LGSN: variants seen among roughly 807,000 people sequenced by gnomAD.
LGSN encodes the protein lengsin.
Under a neutral mutation model 19.5 loss-of-function variants are expected in LGSN, and 21 were observed. The ratio of observed to expected loss-of-function variants is 1.07; its 90% CI spans 0.76 to 1.55. The LOEUF (loss-of-function observed/expected upper bound fraction) is 1.55. LGSN is among the 40% of genes most tolerant of loss of function. The pLI is 0.00. For synonymous variants in LGSN, 257 were observed against 215.6 expected, an observed-to-expected ratio of 1.19 and a Z score of -1.68; for missense variants, 673 against 608.5, an observed-to-expected ratio of 1.11 and a Z score of -1.12.
the LGSN span, among the ~76,000 whole-genome samples, chr6:63,553,272 T>A: frequency 6.6e-6 from 1 of 152,216 alleles, no homozygotes; most frequent in African/African-American, 2.4e-5. Context: ...AAGGCTGAAA[T>A]TTTGTACCCA....
the LGSN span, among the ~76,000 whole-genome samples, chr6:63,351,883 T>G: frequency 1.3e-5 from 2 of 152,220 alleles, no homozygotes; most frequent in African/African-American, 4.8e-5. Flanking sequence ...GTATAGTCTT[T>G]TTAAACCTGA....
the LGSN span, among the ~76,000 whole-genome samples, chr6:63,487,031 T>TC: frequency 6.6e-6 from 1 of 151,882 alleles, no homozygotes; most frequent in African/African-American, 2.4e-5. Context: ...AGATGGGGTT[T>TC]CACCATGTTG....
the LGSN span, among the ~76,000 whole-genome samples, chr6:63,356,795 T>G: frequency 6.6e-6 from 1 of 152,188 alleles, no homozygotes; most frequent in Admixed American, 6.5e-5. Context: ...TTAAAGCATC[T>G]TTATGGTTAC....
chr6:63,382,760 T>C, the LGSN span, among the ~76,000 whole-genome samples: 1 of 152,192 alleles, frequency 6.6e-6, no homozygotes, highest in Non-Finnish European at 1.5e-5. Flanking sequence ...TACTTCCCAA[T>C]AAAGTGTTTT....
the LGSN span, among the ~76,000 whole-genome samples, chr6:63,480,984 T>TATAC: frequency 2.7e-5 from 1 of 36,370 alleles, no homozygotes; most frequent in African/African-American, 5.5e-5. Context: ...TATATATATA[T>TATAC]ATACACACAC....
intron 1 of LGSN, among the ~76,000 whole-genome samples, chr6:63,307,482 T>C (rs1282119228): frequency 1.3e-5 from 2 of 152,312 alleles, no homozygotes; most frequent in African/African-American, 2.4e-5. Context: ...AACTCTTTAA[T>C]TGATGGGCTG....
the LGSN span, among the ~76,000 whole-genome samples, chr6:63,332,732 T>C: frequency 6.6e-6 from 1 of 152,126 alleles, no homozygotes; most frequent in African/African-American, 2.4e-5. Context: ...AGGGGTCCGA[T>C]GGTACTCACT....
At chr6:63,527,464 T>C in the LGSN span, among the ~76,000 whole-genome samples, 3 of 152,158 alleles carry the variant, frequency 2.0e-5, no homozygotes, top group Non-Finnish European at 4.4e-5. Flanking sequence ...TCTTCTTATG[T>C]TGTAGATATC....
At chr6:63,463,135 A>G in the LGSN span, among the ~76,000 whole-genome samples, 2 of 152,190 alleles carry the variant, frequency 1.3e-5, no homozygotes, top group African/African-American at 4.8e-5. Flanking sequence ...ACGTTGGCAA[A>G]TATCTTAACC....
chr6:63,512,920 C>T, the LGSN span, among the ~76,000 whole-genome samples: 3 of 152,154 alleles, frequency 2.0e-5, no homozygotes, highest in Non-Finnish European at 2.9e-5. Context: ...CACTGTTCTC[C>T]GTACTAAAGC....
the LGSN span, among the ~76,000 whole-genome samples, chr6:63,556,498 G>A: frequency 4.1e-4 from 63 of 152,164 alleles, no homozygotes; most frequent in Middle Eastern, 3.4e-3. Flanking sequence ...ACAACTTAAC[G>A]ATATTATGGC....
the LGSN span, among the ~76,000 whole-genome samples, chr6:63,538,767 C>T: frequency 6.6e-6 from 1 of 152,296 alleles, no homozygotes; most frequent in South Asian, 2.1e-4. Flanking sequence ...ATGGGCCCCA[C>T]CTCCAGAGTT....
At chr6:63,550,799 G>A in the LGSN span, among the ~76,000 whole-genome samples, 3 of 151,894 alleles carry the variant, frequency 2.0e-5, no homozygotes, top group African/African-American at 7.3e-5. Context: ...TAATTTTTGT[G>A]TTTTTAGTAA....
At chr6:63,462,107 G>T in the LGSN span, among the ~76,000 whole-genome samples, 1 of 152,122 alleles carries the variant, frequency 6.6e-6, no homozygotes, top group African/African-American at 2.4e-5. Flanking sequence ...ATAAATAAGT[G>T]TTCTCTGATT....
the LGSN span, among the ~76,000 whole-genome samples, chr6:63,403,101 C>CAGAGAGAGAGAGAGAGAG: frequency 1.3e-5 from 2 of 148,762 alleles, no homozygotes; most frequent in African/African-American, 4.9e-5. Flanking sequence ...GAGAGAGAGA[C>CAGAGAGAGAGAGAGAGAG]AGAGAGAGAG....
At chr6:63,288,170 G>A (rs1582024734) in intron 2 of LGSN, among the ~76,000 whole-genome samples, 1 of 151,678 alleles carries the variant, frequency 6.6e-6, no homozygotes, top group Non-Finnish European at 1.5e-5. Flanking sequence ...GCTCCACCAA[G>A]GAGCTGAGAT....
At chr6:63,329,105 C>A in the LGSN span, among the ~76,000 whole-genome samples, 1 of 152,180 alleles carries the variant, frequency 6.6e-6, no homozygotes, top group Admixed American at 6.5e-5. Context: ...AGCCTGCTGG[C>A]ACGAGGCTTC....
the LGSN span, among the ~76,000 whole-genome samples, chr6:63,526,432 T>C: frequency 6.6e-6 from 1 of 152,038 alleles, no homozygotes; most frequent in Non-Finnish European, 1.5e-5. Context: ...TACATAATCT[T>C]TCCCAGAATC....
At chr6:63,393,469 G>T in the LGSN span, among the ~76,000 whole-genome samples, 1 of 151,902 alleles carries the variant, frequency 6.6e-6, no homozygotes, top group Admixed American at 6.6e-5. Context: ...GTGAGCCACC[G>T]CGCCTGGCCC....
Sources: gnomAD v4.1 joint callset for allele counts (sites outside exome capture counted in the v4.1 genomes callset) on GRCh38, gnomAD v4.1.1 for gene constraint, MANE v1.5 for transcripts, NCBI Gene and HGNC (gene_info 2026-07-23, HGNC 2026-07-21) for gene names.